PPL: variants seen among roughly 807,000 people sequenced by gnomAD.
PPL encodes the protein periplakin.
In PPL, 198 loss-of-function variants were observed where a neutral mutation model predicts 194.4. The ratio of observed to expected loss-of-function variants is 1.02; its 90% confidence interval spans 0.91 to 1.15. PPL has a LOEUF of 1.15. Among genes scored for constraint, PPL ranks in the 50% most tolerant of loss-of-function variants. PPL has a pLI of 0.00. For missense variants in PPL, 2,885 were observed against 2,294.8 expected (o/e 1.26, Z -5.25); for synonymous variants, 1,220 against 972.4 (o/e 1.25, Z -4.74).
At chr16:4,910,210 C>T (rs1014905833) in intron 2 of PPL, among the ~76,000 whole-genome samples, 1 of 152,156 alleles carries the variant, frequency 6.6e-6, no homozygotes, top group Non-Finnish European at 1.5e-5. Flanking sequence ...AAGTGATTTG[C>T]CCAGCTATTT....
intron 8 of PPL, 84 bp from the exon 9 acceptor site, chr16:4,897,854 C>A: frequency 8.8e-7 from 1 of 1,133,938 alleles, no homozygotes. Flanking sequence ...TGGGCTGGGG[C>A]ATGGCGGGGG....
chr16:4,912,218 C>A (rs942040063), intron 1 of PPL, among the ~76,000 whole-genome samples: 7 of 152,218 alleles, frequency 4.6e-5, no homozygotes, highest in African/African-American at 9.6e-5. Flanking sequence ...ATTCCCCACC[C>A]GCTCCAGCCC....
intron 2 of PPL, among the ~76,000 whole-genome samples, 194 bp from the exon 3 acceptor site, chr16:4,904,234 A>G (rs1443415086): frequency 6.6e-6 from 1 of 152,102 alleles, no homozygotes; most frequent in Non-Finnish European, 1.5e-5. Flanking sequence ...TCTCAAGTTC[A>G]CTTTGCAAAG....
chr16:4,899,195 C>G (rs762293060), intron 7 of PPL, 28 bp downstream of exon 7: 6 of 1,613,488 alleles, frequency 3.7e-6, no homozygotes. Flanking sequence ...CTGCCTCCTC[C>G]CTGATGCCCC....
chr16:4,924,215 A>G (rs188317483), intron 1 of PPL, among the ~76,000 whole-genome samples: 55 of 152,314 alleles, frequency 3.6e-4, no homozygotes, highest in African/African-American at 1.1e-3. Context: ...ATTTTTTTCT[A>G]TTTTATTTAA....
intron 1 of PPL, among the ~76,000 whole-genome samples, chr16:4,919,165 C>G (rs755337445): frequency 6.6e-6 from 1 of 151,776 alleles, no homozygotes; most frequent in African/African-American, 2.4e-5. Context: ...CACGGACACA[C>G]GTGCTGAGGG....
rs765001011 is a variant in PPL, at chr16:4,899,050, A to G, written c.839T>C (p.Leu280Pro). 6.5e-6 allele frequency: 10 copies of G among 1,539,826 alleles called. No homozygotes were observed. The highest frequency in any genetic ancestry group is 7.0e-6 in the Non-Finnish European group (8 of 1,136,508). Reference protein sequence around the residue: ...INKLHSEGDQLLAAEHPGRNS... With the variant: ...INKLHSEGDQPLAAEHPGRNS... ...CCTCCCGGGGTGCTCGGCCGCCAGC[A>G]GCTGGTCGCCCTCGCTGTGCAGTTT... Residue 280 changes from leucine (L) to proline (P), a missense_variant, in exon 8 of 22, where the codon CTG becomes CCG. Physicochemically the swap from Leu to Pro is moderately conservative, Grantham distance 98. Transcript: ENST00000345988.
chr16:4,920,436 GCGTCC>G (rs562931823), intron 1 of PPL, among the ~76,000 whole-genome samples: 79 of 152,110 alleles, frequency 5.2e-4, no homozygotes, highest in Admixed American at 9.2e-4. Flanking sequence ...GTTCAGAGCA[GCGTCC>G]CTGAAACAGA....
chr16:4,924,060 C>T (rs2089107553), intron 1 of PPL, among the ~76,000 whole-genome samples: 1 of 152,216 alleles, frequency 6.6e-6, no homozygotes, highest in African/African-American at 2.4e-5. Flanking sequence ...AGACACTCAA[C>T]AGCTGGAAAA....
intron 2 of PPL, among the ~76,000 whole-genome samples, chr16:4,907,079 TAAA>T (rs57847738): frequency 0.037 from 2,869 of 76,970 alleles, 128 homozygotes; most frequent in African/African-American, 0.14. Context: ...ACCCTATCTC[TAAA>T]AAAAAAAAAA....
At chr16:4,934,816 G>A (rs996874373) in intron 1 of PPL, among the ~76,000 whole-genome samples, 3 of 152,156 alleles carry the variant, frequency 2.0e-5, no homozygotes, top group Non-Finnish European at 2.9e-5. Flanking sequence ...CGTTTGAGAG[G>A]ATGGGGTACA....
At chr16:4,924,197 A>C (rs889421935) in intron 1 of PPL, among the ~76,000 whole-genome samples, 3 of 152,246 alleles carry the variant, frequency 2.0e-5, no homozygotes, top group Non-Finnish European at 4.4e-5. Flanking sequence ...GTAAGAAGAA[A>C]TGAGCGAATT....
intron 1 of PPL, among the ~76,000 whole-genome samples, chr16:4,925,266 C>T (rs1039717852): frequency 5.3e-5 from 8 of 152,232 alleles, no homozygotes; most frequent in South Asian, 2.1e-4. Context: ...GGTGCACCTC[C>T]GGTGCCGAGT....
intron 2 of PPL, 65 bp from the exon 3 acceptor site, chr16:4,904,105 G>A: frequency 1.7e-5 from 26 of 1,526,018 alleles, no homozygotes; most frequent in East Asian, 2.4e-5. Flanking sequence ...GGCAATGGGA[G>A]GGGTGGGAGG....
rs1431403639 is a variant in PPL at position 4,903,709 on chromosome 16, A to G, written c.317+177T>C. On this transcript the variant is annotated intron_variant, in intron 3 of 21. Transcript: ENST00000345988. ...CACTCCAGCCTGGGCAACAAGAGCA[A>G]AACTACGTCTCAAAAAAAAAAAAAA... is the stretch of plus-strand genomic sequence containing the variant. 1.3e-5 allele frequency among the ~76,000 whole-genome samples: 2 copies of G among 151,988 alleles called. 1 individual carries two copies. The highest frequency in any genetic ancestry group is 4.2e-4 in the South Asian group (2 of 4,818).
intron 1 of PPL, among the ~76,000 whole-genome samples, chr16:4,920,269 C>T (rs2089011208): frequency 7.1e-6 from 1 of 140,588 alleles, no homozygotes. Flanking sequence ...GGCAACAGAA[C>T]AAGACTCTGT....
intron 1 of PPL, among the ~76,000 whole-genome samples, chr16:4,931,822 T>C (rs1204405440): frequency 6.6e-6 from 1 of 152,134 alleles, no homozygotes; most frequent in Non-Finnish European, 1.5e-5. Flanking sequence ...CCCAACATGA[T>C]CCGCCCGACA....
In PPL at chr16:4,883,377, G is replaced by A; in HGVS notation, c.*7C>T. 1 of 1,613,728 alleles carries A rather than the reference G, an allele frequency of 6.2e-7. No individual in the cohort carries two copies. Reference sequence around the variant, plus strand: ...TCTGCCGTTACGAAGAGTTGCAAGAGCTGTGCCTACTTCTGCCCAGATACC... The same window carrying A: ...TCTGCCGTTACGAAGAGTTGCAAGAACTGTGCCTACTTCTGCCCAGATACC... On this transcript the variant is annotated 3_prime_UTR_variant, in exon 22 of 22. Coordinates refer to ENST00000345988, the MANE Select transcript of PPL (RefSeq NM_002705.5). This position sits in a 1 kb window ranked among gnomAD's most constrained non-coding sequence, Gnocchi z 4.8.
chr16:4,884,532 T>C lies in PPL; in HGVS notation c.4123A>G (p.Ile1375Val). The change falls in exon 22 of 22, where the codon ATC becomes GTC. Residue 1375 changes from isoleucine to valine, a missense_variant. Transcript: ENST00000345988. This position sits in a 1 kb window ranked among gnomAD's most constrained non-coding sequence, Gnocchi z 5.7. ...RAEASAFAESIDVELRQIDKL... is the reference protein window; with the variant it reads ...RAEASAFAESVDVELRQIDKL... ...TCAATCTGCCGCAGCTCCACATCGA[T>C]GCTCTCGGCAAAGGCGCTCGCCTCG... The C allele has an allele frequency of 6.2e-7, 1 of 1,612,414 alleles. No individual in the cohort carries two copies. The highest frequency in any genetic ancestry group is 8.5e-7 in the Non-Finnish European group (1 of 1,179,674).
Sources: gnomAD v4.1 joint callset for allele counts (sites outside exome capture counted in the v4.1 genomes callset) on GRCh38, gnomAD v4.1.1 for gene constraint, Gnocchi (gnomAD v3.1) non-coding constraint, MANE v1.5 for transcripts, NCBI Gene and HGNC (gene_info 2026-07-23, HGNC 2026-07-21) for gene names.